SLC44A2: variants seen among roughly 807,000 people sequenced by gnomAD.
SLC44A2 encodes solute carrier family 44 member 2 (CTL2 blood group), also known as choline transporter-like protein 2.
A neutral mutation model predicts 90.8 loss-of-function variants in SLC44A2; 57 were observed. The observed-to-expected ratio is 0.63, with a 90% confidence interval of 0.51 to 0.78. The LOEUF (loss-of-function observed/expected upper bound fraction) is 0.78, where lower values mean the gene tolerates loss of function less well. Ranked by LOEUF, SLC44A2 falls within the 30% of genes least tolerant of loss-of-function variation. The pLI, the probability that SLC44A2 is intolerant of heterozygous loss-of-function variation, is 0.00. For synonymous variants in SLC44A2, 355 were observed against 360.7 expected (o/e 0.98, Z 0.18); for missense variants, 794 against 919.7 (o/e 0.86, Z 1.77).
chr19:10,641,781 G>C lies in SLC44A2; in HGVS notation c.1930-586G>C, dbSNP rs139698551. 9.0e-3 allele frequency among the ~76,000 whole-genome samples: 1,359 copies of C among 151,780 alleles called. 23 individuals are homozygous for C. Among genetic ancestry groups the C allele is most frequent in the African/African-American group, 0.031 (1,293 of 41,384 alleles). On this transcript the variant is annotated intron_variant, in intron 20 of 21. Transcript: ENST00000335757. ...GGATCACTTGAGCCCAGGAGGCAGA[G>C]GTTGCAGTGAGCTGAGATTGCACCA...
Position 10,637,761 on chromosome 19 carries a change from G to T in SLC44A2, c.1695+14G>T, listed in dbSNP as rs371806279. The stretch of plus-strand genomic sequence containing the variant: ...GCCTACATCATGGTGAGTGGGCCTG[G>T]GACCCCCAACCAACCCGCCAGCTCC... On this transcript the variant is annotated intron_variant, in intron 17 of 21. Coordinates refer to ENST00000335757, the MANE Select transcript of SLC44A2 (RefSeq NM_020428.4). The T allele has an allele frequency of 1.2e-6, 2 of 1,613,396 alleles. No individual in the cohort carries two copies. Among genetic ancestry groups the T allele is most frequent in the Non-Finnish European group, 1.7e-6 (2 of 1,179,434 alleles).
rs1181137226 is a variant in SLC44A2, at chr19:10,625,580, C to G, written c.-54C>G. ...TGCCTCCCTCCAGACTCGGGAGGGT[C>G]GAGGGGGCGCGGGAGAGAGCGCGGG... On this transcript the variant is annotated 5_prime_UTR_variant, in exon 1 of 22. Coordinates refer to ENST00000335757, the MANE Select transcript of SLC44A2 (RefSeq NM_020428.4). 3.2e-6 allele frequency: 4 copies of G among 1,235,974 alleles called. No individual in the cohort carries two copies. Among genetic ancestry groups the G allele is most frequent in the Non-Finnish European group, 2.0e-6 (2 of 987,686 alleles). 76.6% of individuals were successfully genotyped at this position (1,235,974 alleles called of 1,614,324 possible).
chr19:10,616,178 G>A (rs1308537448), intron 1 of SLC44A2, among the ~76,000 whole-genome samples: 1 of 151,500 alleles, frequency 6.6e-6, no homozygotes, highest in Non-Finnish European at 1.5e-5. Context: ...GGTGAACCAT[G>A]TAACATTTTA....
At chr19:10,640,105 T>TTTTTG (rs2067099642) in intron 20 of SLC44A2, among the ~76,000 whole-genome samples, 1 of 109,794 alleles carries the variant, frequency 9.1e-6, no homozygotes, top group African/African-American at 3.9e-5. Flanking sequence ...TTTTTTTTTT[T>TTTTTG]TCTGCGATAG....
chr19:10,614,042 T>C (rs896971935), intron 1 of SLC44A2, among the ~76,000 whole-genome samples: 9 of 152,116 alleles, frequency 5.9e-5, no homozygotes, highest in Admixed American at 5.3e-4. Context: ...CTTGGCTCAC[T>C]GCAACCTCTG....
intron 1 of SLC44A2, among the ~76,000 whole-genome samples, chr19:10,607,260 AATACAAAAG>A (rs1246706169): frequency 6.6e-6 from 1 of 151,918 alleles, no homozygotes; most frequent in Admixed American, 6.6e-5. Context: ...ACATGCTTTA[AATACAAAAG>A]ATACAAAAGA....
In SLC44A2 at chr19:10,625,687, G is replaced by A. The variant is rs368656733; in HGVS notation, c.37+17G>A. The A allele has an allele frequency of 3.2e-6, 4 of 1,248,290 alleles. No homozygotes were observed. In the African/African-American group the frequency reaches 6.2e-5, roughly 19 times the overall value. The allele number at this position is 1,248,290 out of a possible 1,614,324, so 77.3% of individuals were successfully genotyped here. On this transcript the variant is annotated intron_variant, in intron 1 of 21. Coordinates refer to ENST00000335757, the MANE Select transcript of SLC44A2 (RefSeq NM_020428.4). ...GGAAACACGGTAGGCAGCGACCCCC[G>A]CCCGTAGCCCCGGGCCGACCCCTCG...
upstream of SLC44A2, among the ~76,000 whole-genome samples, chr19:10,624,247 C>T (rs1234104626): frequency 6.6e-6 from 1 of 152,086 alleles, no homozygotes; most frequent in African/African-American, 2.4e-5. Context: ...CCGCCCACCT[C>T]GGCCTCCCAA....
Position 10,634,967 on chromosome 19 carries a change from T to C in SLC44A2, c.956-7T>C, listed in dbSNP as rs1457815205. 1 of 1,614,154 alleles carries C rather than the reference T, an allele frequency of 6.2e-7. No homozygotes were observed. Among genetic ancestry groups the C allele is most frequent in the South Asian group, 1.1e-5 (1 of 91,090 alleles). ...AGCCCAGCCGGCTCAGCCTTTGCCC[T>C]TTGCAGTGATCATTCTGAGTATCCT... On this transcript the variant is annotated splice_region_variant and splice_polypyrimidine_tract_variant and intron_variant, in intron 11 of 21. Coordinates refer to ENST00000335757, the MANE Select transcript of SLC44A2 (RefSeq NM_020428.4).
Position 10,631,088 on chromosome 19 carries a change from G to A in SLC44A2, c.277G>A (p.Val93Met), listed in dbSNP as rs1272768607. The change falls in exon 5 of 22, where the codon GTG becomes ATG. Residue 93 changes from valine (V) to methionine (M), a missense_variant. Val to Met is a conservative substitution (Grantham distance 21). Coordinates refer to ENST00000335757, the MANE Select transcript of SLC44A2 (RefSeq NM_020428.4). ...NKPYLFYFNI[V>M]KCASPLVLLE... ...ACCCTATCTGTTTTATTTCAACATT[G>A]TGAAATGTGCCAGCCCCCTGGTTCT... 3.7e-6 allele frequency: 6 copies of A among 1,612,968 alleles called. No homozygotes were observed. Among genetic ancestry groups the A allele is most frequent in the African/African-American group, 1.3e-5 (1 of 74,576 alleles).
At chr19:10,609,510 G>C (rs937888474) in intron 1 of SLC44A2, among the ~76,000 whole-genome samples, 1 of 151,990 alleles carries the variant, frequency 6.6e-6, no homozygotes, top group African/African-American at 2.4e-5. Flanking sequence ...ATGTTTGTCA[G>C]GCTGGTCTCA....
rs768311922 is a variant in SLC44A2, at chr19:10,636,499, G to A, written c.1410G>A (p.Gly470=). 4 of 1,612,596 alleles carry A rather than the reference G, an allele frequency of 2.5e-6. No individual in the cohort carries two copies. Among genetic ancestry groups the A allele is most frequent in the South Asian group, 1.1e-5 (1 of 91,068 alleles). ...VLALGQVTLA[G]AFASYYWALR... Reference sequence around the variant, plus strand: ...CGCTGGGCCAGGTCACGCTGGCCGGGGCCTTTGCCTCCTACTACTGGGCCC... The same window carrying A: ...CGCTGGGCCAGGTCACGCTGGCCGGAGCCTTTGCCTCCTACTACTGGGCCC... The change falls in exon 15 of 22, where the codon GGG becomes GGA. Residue 470 remains glycine, a synonymous_variant. Transcript: ENST00000335757.
upstream of SLC44A2, among the ~76,000 whole-genome samples, chr19:10,624,490 A>G (rs2144836323): frequency 6.6e-6 from 1 of 152,090 alleles, no homozygotes; most frequent in African/African-American, 2.4e-5. Flanking sequence ...TTTAGTAGAG[A>G]AGGGGTTTCA....
chr19:10,637,961 C>G, intron 18 of SLC44A2, 32 bp downstream of exon 18: 1 of 1,613,950 alleles, frequency 6.2e-7, no homozygotes, highest in Non-Finnish European at 8.5e-7. Flanking sequence ...CCTCCTGCCA[C>G]CCGCCTCTTC....
At chr19:10,617,083 G>A (rs751783755) in intron 1 of SLC44A2, among the ~76,000 whole-genome samples, 2 of 151,868 alleles carry the variant, frequency 1.3e-5, no homozygotes, top group South Asian at 2.1e-4. Flanking sequence ...CACCACGCCC[G>A]GCTAATTTTT....
In SLC44A2 at chr19:10,637,656, A is replaced by G. The variant is rs749613364; in HGVS notation, c.1604A>G (p.Lys535Arg). ...LDQRLKAAEN[K>R]FAKCLMTCLK... Reference sequence around the variant, plus strand: ...CCTTCTCTTCCAGCTGCAGAGAACAAGTTTGCCAAGTGCCTCATGACCTGT... The same window carrying G: ...CCTTCTCTTCCAGCTGCAGAGAACAGGTTTGCCAAGTGCCTCATGACCTGT... The change falls in exon 17 of 22, where the codon AAG becomes AGG. Residue 535 changes from lysine (K) to arginine (R), a missense_variant. By Grantham distance (26) the Lys-to-Arg change is conservative. This residue lies in a region of SLC44A2 where 738 missense variants were observed against 841.1 expected (regional missense o/e 0.88). Transcript: ENST00000335757. 2 of 1,613,934 alleles carry G rather than the reference A, an allele frequency of 1.2e-6. No homozygotes were observed. The highest frequency in any genetic ancestry group is 2.7e-5 in the African/African-American group (2 of 74,898).
intron 10 of SLC44A2, among the ~76,000 whole-genome samples, chr19:10,633,483 TCTCA>T (rs1426171255): frequency 6.6e-6 from 1 of 151,846 alleles, no homozygotes; most frequent in Non-Finnish European, 1.5e-5. Context: ...TGAGACAGAG[TCTCA>T]CTCTGTCACC....
At chr19:10,626,580 AT>A (rs34527261) in intron 2 of SLC44A2, among the ~76,000 whole-genome samples, 4,760 of 138,304 alleles carry the variant, frequency 0.034, 232 homozygotes, top group East Asian at 0.11. Context: ...CACCTGGCTA[AT>A]TTTTTTTTTT....
At chr19:10,632,536 CA>C (rs1175919247) in intron 10 of SLC44A2, among the ~76,000 whole-genome samples, 1,028 of 73,482 alleles carry the variant, frequency 0.014, 22 homozygotes, top group Admixed American at 0.088. Context: ...AACTCCATCT[CA>C]AAAAAAAAAA....
Sources: gnomAD v4.1 joint callset for allele counts (sites outside exome capture counted in the v4.1 genomes callset) on GRCh38, gnomAD v4.1.1 for gene constraint, gnomAD v4.1.1 regional missense constraint, MANE v1.5 for transcripts, NCBI Gene and HGNC (gene_info 2026-07-23, HGNC 2026-07-21) for gene names.